NALF1: variants seen among roughly 807,000 people sequenced by gnomAD.
The protein encoded by NALF1 is family with sequence similarity 155 member A.
Under a neutral mutation model 48.4 loss-of-function variants are expected in NALF1, and 3 were observed. That is an observed-to-expected ratio of 0.06 (90% CI 0.03 to 0.16). The LOEUF (loss-of-function observed/expected upper bound fraction) is 0.16, where lower values mean the gene tolerates loss of function less well. NALF1 is among the 10% of genes least tolerant of loss of function. The probability of loss-of-function intolerance (pLI) is 1.00; values close to 1 mark genes in which losing one functional copy is unlikely to be tolerated. For missense variants in NALF1, 526 were observed against 571.5 expected (o/e 0.92, Z 0.81); for synonymous variants, 262 against 245.7 (o/e 1.07, Z -0.62).
intron 1 of NALF1, among the ~76,000 whole-genome samples, chr13:107,264,655 A>G (rs937632077): frequency 2.6e-5 from 4 of 152,196 alleles, no homozygotes; most frequent in Non-Finnish European, 5.9e-5. Context: ...AACTATTAAT[A>G]GTTTGATATT....
At chr13:107,732,255 T>C (rs1876330675) in intron 1 of NALF1, among the ~76,000 whole-genome samples, 1 of 152,082 alleles carries the variant, frequency 6.6e-6, no homozygotes, top group Admixed American at 6.6e-5. Context: ...ATATATATGC[T>C]ATACTCTATA....
chr13:107,334,581 G>A (rs1882522911), intron 1 of NALF1, among the ~76,000 whole-genome samples: 1 of 152,162 alleles, frequency 6.6e-6, no homozygotes, highest in Non-Finnish European at 1.5e-5. Context: ...TGAAAGCTGG[G>A]GGGAAAGATT....
At chr13:107,184,606 C>CTA (rs1277023512) in intron 2 of NALF1, among the ~76,000 whole-genome samples, 2 of 152,028 alleles carry the variant, frequency 1.3e-5, no homozygotes, top group African/African-American at 4.8e-5. Flanking sequence ...TTTTCTTTTT[C>CTA]TATCTAAATT....
intron 1 of NALF1, among the ~76,000 whole-genome samples, chr13:107,370,768 C>T (rs989312973): frequency 9.2e-5 from 14 of 152,138 alleles, no homozygotes; most frequent in Admixed American, 7.9e-4. Context: ...ACTCACAGTT[C>T]AGCATGGCTG....
intron 1 of NALF1, among the ~76,000 whole-genome samples, chr13:107,579,476 CA>C (rs1398834869): frequency 6.6e-6 from 1 of 152,186 alleles, no homozygotes; most frequent in Non-Finnish European, 1.5e-5. Context: ...GGAGACAGAG[CA>C]AAGAGAAAAG....
chr13:107,722,641 G>A (rs1257963895), intron 1 of NALF1, among the ~76,000 whole-genome samples: 1 of 152,166 alleles, frequency 6.6e-6, no homozygotes, highest in African/African-American at 2.4e-5. Flanking sequence ...GGACAGTGAG[G>A]GAGAAAGGCT....
intron 1 of NALF1, among the ~76,000 whole-genome samples, chr13:107,377,847 A>C (rs1883364592): frequency 6.6e-6 from 1 of 152,170 alleles, no homozygotes; most frequent in African/African-American, 2.4e-5. Flanking sequence ...ATTTTTTAAT[A>C]ATAAAGGTTT....
intron 2 of NALF1, among the ~76,000 whole-genome samples, chr13:107,177,041 T>A (rs1878954043): frequency 6.6e-6 from 1 of 151,838 alleles, no homozygotes; most frequent in Non-Finnish European, 1.5e-5. Flanking sequence ...GGATACAACA[T>A]CAACATACAA....
intron 1 of NALF1, among the ~76,000 whole-genome samples, chr13:107,255,455 C>T (rs999696116): frequency 2.6e-5 from 4 of 152,096 alleles, no homozygotes; most frequent in Admixed American, 6.5e-5. Context: ...AATTAACAGC[C>T]GGACCCTGCC....
chr13:107,176,546 G>C (rs545301843), intron 2 of NALF1, among the ~76,000 whole-genome samples: 171 of 152,066 alleles, frequency 1.1e-3, no homozygotes, highest in African/African-American at 4.1e-3. Flanking sequence ...GGAGGCTGAG[G>C]CAGGAGAATG....
Position 107,170,420 on chromosome 13 carries a change from A to T in NALF1, c.*77T>A. ...AAGTAATTCGAGGGTAAAAGCACCC[A>T]GTTTCTGTTACATGAGACAGCAGTT... On this transcript the variant is annotated 3_prime_UTR_variant, in exon 3 of 3. Transcript: ENST00000375915. The T allele has an allele frequency of 2.1e-6, 3 of 1,442,898 alleles. No individual in the cohort carries two copies. Among genetic ancestry groups the T allele is most frequent in the Non-Finnish European group, 2.8e-6 (3 of 1,066,382 alleles). 89.4% of individuals were successfully genotyped at this position (1,442,898 alleles called of 1,614,324 possible).
chr13:107,694,158 C>G lies in NALF1; in HGVS notation c.915+171524G>C, dbSNP rs1417907. 1.3e-5 allele frequency among the ~76,000 whole-genome samples: 2 copies of G among 152,086 alleles called. 1 individual carries two copies. On this transcript the variant is annotated intron_variant, in intron 1 of 2. Coordinates refer to ENST00000375915, the MANE Select transcript of NALF1 (RefSeq NM_001080396.3). ...AAACACGGATGAGGGGTTTTACAAA[C>G]AGCTGTTAAAGCTAGAAAAGACTAG...
At chr13:107,600,619 G>C (rs1005706766) in intron 1 of NALF1, among the ~76,000 whole-genome samples, 1 of 152,058 alleles carries the variant, frequency 6.6e-6, no homozygotes, top group Non-Finnish European at 1.5e-5. Context: ...TACAGTGGTC[G>C]GTGCCTGTTG....
intron 1 of NALF1, among the ~76,000 whole-genome samples, chr13:107,577,268 T>C (rs879890359): frequency 6.6e-6 from 1 of 152,166 alleles, no homozygotes; most frequent in African/African-American, 2.4e-5. Context: ...AACTTTAAGA[T>C]GTGGGGAAAG....
At chr13:107,854,851 C>T (rs540867103) in intron 1 of NALF1, among the ~76,000 whole-genome samples, 30 of 141,128 alleles carry the variant, frequency 2.1e-4, no homozygotes, top group Admixed American at 1.8e-3. Flanking sequence ...TTCAGCCTGG[C>T]GACACAGGTT....
intron 1 of NALF1, among the ~76,000 whole-genome samples, chr13:107,460,270 G>A (rs1884896821): frequency 6.6e-6 from 1 of 152,206 alleles, no homozygotes; most frequent in Non-Finnish European, 1.5e-5. Context: ...GTCCCCAAGT[G>A]GCACAGCTGT....
chr13:107,798,207 T>C (rs1270471533), intron 1 of NALF1, among the ~76,000 whole-genome samples: 3 of 152,324 alleles, frequency 2.0e-5, no homozygotes, highest in African/African-American at 7.2e-5. Context: ...CAATGGTTGA[T>C]TGCAGCCAAT....
chr13:107,842,215 G>GA (rs1376121834), intron 1 of NALF1, among the ~76,000 whole-genome samples: 1 of 151,552 alleles, frequency 6.6e-6, no homozygotes, highest in African/African-American at 2.4e-5. Context: ...TATCAGAGTT[G>GA]AAAAAAAATT....
rs535819920 is a variant in NALF1, at chr13:107,368,556, G to A, written c.916-157801C>T. The stretch of plus-strand genomic sequence containing the variant: ...AATTCCACTCTTCGTCTCTTCTGGC[G>A]TCCGGTGGTTGCAGGCACTTCTTGG... On this transcript the variant is annotated intron_variant, in intron 1 of 2. Transcript: ENST00000375915. Among the ~76,000 whole-genome samples, 13 of 152,258 alleles carry A rather than the reference G, an allele frequency of 8.5e-5. No homozygotes were observed. The East Asian group carries it at 1.9e-3, about 23-fold the overall frequency.
Sources: gnomAD v4.1 joint callset for allele counts (sites outside exome capture counted in the v4.1 genomes callset) on GRCh38, gnomAD v4.1.1 for gene constraint, MANE v1.5 for transcripts, NCBI Gene and HGNC (gene_info 2026-07-23, HGNC 2026-07-21) for gene names.